BICC1: variants seen among roughly 807,000 people sequenced by gnomAD.
BICC1 encodes the protein protein bicaudal C homolog 1.
In BICC1, 43 loss-of-function variants were observed where a neutral mutation model predicts 111.0. The observed-to-expected ratio is 0.39, with a 90% CI of 0.30 to 0.50. The LOEUF is 0.50. BICC1 is among the 20% of genes least tolerant of loss of function. The pLI is 0.88. For synonymous variants in BICC1, 467 were observed against 434.4 expected, an observed-to-expected ratio of 1.07 and a Z score of -0.93; for missense variants, 1,091 against 1,203.2, an observed-to-expected ratio of 0.91 and a Z score of 1.38.
intron 1 of BICC1, among the ~76,000 whole-genome samples, chr10:58,593,638 G>A (rs180696118): frequency 2.6e-5 from 4 of 152,120 alleles, no homozygotes; most frequent in Admixed American, 2.0e-4. Context: ...CAGCAGACTG[G>A]CAGCAGAGGG....
In BICC1 at chr10:58,813,897, A is replaced by G. The variant is rs1384644825; in HGVS notation, c.2444A>G (p.Asn815Ser). The change falls in exon 18 of 21, where the codon AAC (asparagine) becomes AGC (serine). Residue 815 changes from asparagine (N) to serine (S), a missense_variant. This residue lies in a region of BICC1 where 231 missense variants were observed against 256.2 expected (regional missense o/e 0.90). Transcript: ENST00000373886. ...TTGGGAGGTGGAAGCGAATCTGATAACTGGAGAGACCGAAATGGAATTGGA... is the reference window on the plus strand; with the variant it reads ...TTGGGAGGTGGAAGCGAATCTGATAGCTGGAGAGACCGAAATGGAATTGGA... ...EHLGGGSESD[N>S]WRDRNGIGPG... is the part of the protein sequence containing the mutation. 6.2e-7 allele frequency: 1 copy of G among 1,614,032 alleles called. No individual in the cohort carries two copies. The highest frequency in any genetic ancestry group is 1.1e-5 in the South Asian group (1 of 91,078).
chr10:58,604,275 A>G (rs1845137341), intron 1 of BICC1, among the ~76,000 whole-genome samples: 2 of 152,226 alleles, frequency 1.3e-5, no homozygotes. Flanking sequence ...AGTGATAAAC[A>G]CATTGTTGTC....
At chr10:58,805,270 G>A (rs1227487404) in intron 15 of BICC1, among the ~76,000 whole-genome samples, 1 of 151,438 alleles carries the variant, frequency 6.6e-6, no homozygotes, top group African/African-American at 2.4e-5. Flanking sequence ...TCCAGCCTGG[G>A]CAACAGAGCG....
chr10:58,663,608 C>G (rs952746628), intron 2 of BICC1, among the ~76,000 whole-genome samples: 2 of 152,166 alleles, frequency 1.3e-5, no homozygotes, highest in East Asian at 1.9e-4. Context: ...GCATTAGATT[C>G]TCATAGGAGC....
At chr10:58,684,832 T>G (rs1839660857) in intron 2 of BICC1, among the ~76,000 whole-genome samples, 1 of 152,252 alleles carries the variant, frequency 6.6e-6, no homozygotes, top group African/African-American at 2.4e-5. Context: ...GCTCCTGAAT[T>G]CATTGACTTT....
chr10:58,730,624 A>T (rs558294560), intron 3 of BICC1, among the ~76,000 whole-genome samples: 78 of 152,072 alleles, frequency 5.1e-4, no homozygotes, highest in South Asian at 3.5e-3. Flanking sequence ...TTGGACATCT[A>T]GGCTTTTTCA....
At chr10:58,679,054 A>G (rs547585945) in intron 2 of BICC1, among the ~76,000 whole-genome samples, 17 of 152,364 alleles carry the variant, frequency 1.1e-4, no homozygotes, top group African/African-American at 2.9e-4. Context: ...AGTGAAATAT[A>G]TGGCACTAAA....
At chr10:58,607,624 C>G (rs1052519011) in intron 1 of BICC1, among the ~76,000 whole-genome samples, 2 of 152,120 alleles carry the variant, frequency 1.3e-5, no homozygotes, top group Admixed American at 1.3e-4. Context: ...CCCTCACTTT[C>G]TTCTCTTTGT....
intron 1 of BICC1, among the ~76,000 whole-genome samples, chr10:58,558,456 C>G (rs1843516667): frequency 6.6e-6 from 1 of 152,038 alleles, no homozygotes; most frequent in Non-Finnish European, 1.5e-5. Context: ...TAAGCTGGTT[C>G]AATTGTATGA....
intron 1 of BICC1, among the ~76,000 whole-genome samples, chr10:58,516,233 A>G (rs1842238045): frequency 6.6e-6 from 1 of 152,176 alleles, no homozygotes. Flanking sequence ...TCAGAGTGCA[A>G]ATTGGTGATT....
intron 2 of BICC1, among the ~76,000 whole-genome samples, chr10:58,630,950 T>C (rs1422855939): frequency 1.3e-5 from 2 of 152,130 alleles, no homozygotes; most frequent in Admixed American, 1.3e-4. Context: ...TATGGTGAAC[T>C]CTCTCCATAT....
intron 17 of BICC1, among the ~76,000 whole-genome samples, chr10:58,811,759 T>C (rs1447348029): frequency 6.6e-6 from 1 of 152,012 alleles, no homozygotes; most frequent in East Asian, 1.9e-4. Flanking sequence ...CAGAACCACT[T>C]TAGATTGGGT....
intron 2 of BICC1, among the ~76,000 whole-genome samples, chr10:58,652,694 T>C (rs1189807633): frequency 6.6e-6 from 1 of 152,194 alleles, no homozygotes; most frequent in African/African-American, 2.4e-5. Context: ...AATTTTAATA[T>C]TGTTTACCTC....
chr10:58,546,372 A>G (rs1002688600), intron 1 of BICC1, among the ~76,000 whole-genome samples: 2 of 152,214 alleles, frequency 1.3e-5, no homozygotes, highest in African/African-American at 4.8e-5. Context: ...AATGCAGGCC[A>G]GATGTGGCCA....
chr10:58,596,037 G>C (rs1188239989), intron 1 of BICC1, among the ~76,000 whole-genome samples: 1 of 152,160 alleles, frequency 6.6e-6, no homozygotes, highest in Non-Finnish European at 1.5e-5. Flanking sequence ...TATCACCCCT[G>C]ATCCCACAGA....
chr10:58,552,256 G>T (rs1487645219), intron 1 of BICC1, among the ~76,000 whole-genome samples: 1 of 152,006 alleles, frequency 6.6e-6, no homozygotes, highest in Admixed American at 6.6e-5. Context: ...TTACTATACA[G>T]ATTTATAGTT....
At chr10:58,773,710 C>T (rs1019991861) in intron 3 of BICC1, among the ~76,000 whole-genome samples, 39 of 152,280 alleles carry the variant, frequency 2.6e-4, no homozygotes, top group African/African-American at 9.1e-4. Flanking sequence ...GGGCAAATGG[C>T]GCATAACCAG....
intron 1 of BICC1, among the ~76,000 whole-genome samples, chr10:58,566,504 C>T (rs567266645): frequency 6.6e-6 from 1 of 152,116 alleles, no homozygotes; most frequent in South Asian, 2.1e-4. Flanking sequence ...CTTCTTTTTC[C>T]TCTGGGTACA....
At chr10:58,733,350 A>G (rs1042571759) in intron 3 of BICC1, among the ~76,000 whole-genome samples, 51 of 152,230 alleles carry the variant, frequency 3.4e-4, no homozygotes, top group African/African-American at 1.0e-3. Flanking sequence ...TTCACTGCCA[A>G]TGCAATTTCT....
Sources: allele counts gnomAD v4.1 joint callset (sites outside exome capture counted in the v4.1 genomes callset), GRCh38; gene constraint gnomAD v4.1.1; regional missense constraint gnomAD v4.1.1; transcripts MANE v1.5; gene names NCBI Gene and HGNC (gene_info 2026-07-23, HGNC 2026-07-21).